Variants in PTPRD observed in about 807,000 individuals in gnomAD.
PTPRD encodes protein tyrosine phosphatase receptor type D.
In PTPRD, 34 loss-of-function variants were observed where a neutral mutation model predicts 214.5. The observed-to-expected ratio is 0.16, with a 90% CI of 0.12 to 0.21. PTPRD has a LOEUF of 0.21. PTPRD is among the 10% of genes least tolerant of loss of function. The pLI, the probability that PTPRD is intolerant of heterozygous loss-of-function variation, is 1.00. For synonymous variants in PTPRD, 1,128 were observed against 845.7 expected, an observed-to-expected ratio of 1.33 and a Z score of -5.79; for missense variants, 2,545 against 2,398.7, an observed-to-expected ratio of 1.06 and a Z score of -1.27.
chr9:9,437,484 G>A lies in PTPRD; in HGVS notation c.-236-40002C>T, dbSNP rs10977746. Among the ~76,000 whole-genome samples, 32 of 152,010 alleles carry A rather than the reference G, an allele frequency of 2.1e-4. No individual in the cohort carries two copies. The South Asian group carries it at 6.2e-3, about 30-fold the overall frequency. Reference sequence around the variant, plus strand: ...ATGTCAAAGGGTCTGAGACTGTTGCGATTTTTAATATATTTTAAAATTTCA... The same window carrying A: ...ATGTCAAAGGGTCTGAGACTGTTGCAATTTTTAATATATTTTAAAATTTCA... On this transcript the variant is annotated intron_variant, in intron 8 of 45. Coordinates refer to ENST00000381196, the MANE Select transcript of PTPRD (RefSeq NM_002839.4).
At chr9:8,491,853 T>C (rs1189931552) in intron 27 of PTPRD, among the ~76,000 whole-genome samples, 5 of 152,144 alleles carry the variant, frequency 3.3e-5, no homozygotes, top group Admixed American at 2.0e-4. Context: ...TTTATGCCTT[T>C]ACATAGAGGT....
chr9:8,611,168 T>TACC lies in PTPRD; in HGVS notation c.352+22148_352+22149insGGT, dbSNP rs1218554899. On this transcript the variant is annotated intron_variant, in intron 14 of 45. Transcript: ENST00000381196. ...CAACTGAGAATGTTTTTCTTAATGG[T>TACC]ATCCCCTGTAAAGTAAGAAAATAAC... Among the ~76,000 whole-genome samples, 6 of 152,340 alleles carry TACC rather than the reference T, an allele frequency of 3.9e-5. No individual in the cohort carries two copies. The East Asian group carries it at 1.2e-3, about 29-fold the overall frequency.
chr9:10,139,332 A>T (rs560342606), intron 3 of PTPRD, among the ~76,000 whole-genome samples: 2 of 152,158 alleles, frequency 1.3e-5, no homozygotes, highest in Non-Finnish European at 1.5e-5. Context: ...GAGATAAAAA[A>T]AACTCTACAA....
At chr9:8,501,191 GA>G in intron 23 of PTPRD, 132 bp from the exon 24 acceptor site, 1 of 689,436 alleles carries the variant, frequency 1.5e-6, no homozygotes, top group Non-Finnish European at 2.4e-6. Context: ...ATAAGGCTTT[GA>G]AACTTAAATT....
chr9:9,530,698 A>G (rs1027993611), intron 8 of PTPRD, among the ~76,000 whole-genome samples: 1 of 152,204 alleles, frequency 6.6e-6, no homozygotes, highest in Admixed American at 6.5e-5. Flanking sequence ...AAATACTATT[A>G]TGATGTAAAA....
At chr9:8,605,652 T>C (rs1486137855) in intron 14 of PTPRD, among the ~76,000 whole-genome samples, 2 of 152,186 alleles carry the variant, frequency 1.3e-5, no homozygotes, top group Non-Finnish European at 2.9e-5. Flanking sequence ...ACTGTGAGGA[T>C]GAAAGGAGAA....
chr9:8,862,928 G>T (rs767501969), intron 11 of PTPRD, among the ~76,000 whole-genome samples: 2 of 151,970 alleles, frequency 1.3e-5, no homozygotes, highest in Non-Finnish European at 2.9e-5. Context: ...GTGGGGTGGT[G>T]GGGGGGAGGG....
chr9:9,082,808 CA>C (rs778009711), intron 10 of PTPRD, among the ~76,000 whole-genome samples: 3 of 151,868 alleles, frequency 2.0e-5, no homozygotes, highest in Non-Finnish European at 4.4e-5. Context: ...ATAATTGCTA[CA>C]AAAAGAATAA....
intron 5 of PTPRD, among the ~76,000 whole-genome samples, chr9:9,884,564 T>C (rs1367027128): frequency 1.3e-5 from 2 of 152,106 alleles, no homozygotes; most frequent in African/African-American, 4.8e-5. Context: ...GGAAAGGCCT[T>C]GAAGACACTA....
At chr9:9,803,229 T>C (rs1256012477) in intron 5 of PTPRD, among the ~76,000 whole-genome samples, 2 of 150,648 alleles carry the variant, frequency 1.3e-5, no homozygotes, top group South Asian at 2.1e-4. Flanking sequence ...TCACCTTCAC[T>C]GAACTGGACG....
chr9:9,548,067 G>C (rs1485714723), intron 8 of PTPRD, among the ~76,000 whole-genome samples: 1 of 151,816 alleles, frequency 6.6e-6, no homozygotes, highest in Non-Finnish European at 1.5e-5. Flanking sequence ...AAATGAAGTT[G>C]AAATAAAGAT....
chr9:10,592,912 G>A (rs1040372981), intron 2 of PTPRD, among the ~76,000 whole-genome samples: 1 of 151,860 alleles, frequency 6.6e-6, no homozygotes, highest in African/African-American at 2.4e-5. Flanking sequence ...GCAGCAACCT[G>A]CTCTTGTCCC....
chr9:9,897,503 AT>A (rs544603413), intron 5 of PTPRD, among the ~76,000 whole-genome samples: 6 of 152,068 alleles, frequency 3.9e-5, no homozygotes, highest in Admixed American at 2.0e-4. Flanking sequence ...TTTTTCATCT[AT>A]TTTTTTCTTC....
chr9:9,025,343 T>C (rs1200065045), intron 10 of PTPRD, among the ~76,000 whole-genome samples: 1 of 152,006 alleles, frequency 6.6e-6, no homozygotes, highest in Non-Finnish European at 1.5e-5. Flanking sequence ...TGACCAATGC[T>C]TTGTCTTAAT....
chr9:9,689,866 C>T (rs1029827219), intron 7 of PTPRD, among the ~76,000 whole-genome samples: 3 of 151,768 alleles, frequency 2.0e-5, no homozygotes, highest in Non-Finnish European at 2.9e-5. Flanking sequence ...TACACATTTT[C>T]GTTATCCATT....
intron 7 of PTPRD, among the ~76,000 whole-genome samples, chr9:9,648,236 A>G (rs926631130): frequency 2.6e-5 from 4 of 152,102 alleles, no homozygotes; most frequent in African/African-American, 7.2e-5. Context: ...AAAAAACACT[A>G]AAGTGTATAT....
intron 7 of PTPRD, among the ~76,000 whole-genome samples, chr9:9,695,661 A>G (rs899732884): frequency 1.3e-5 from 2 of 152,118 alleles, no homozygotes; most frequent in African/African-American, 4.8e-5. Flanking sequence ...AAATGATCAA[A>G]TGTGTTTGTT....
intron 7 of PTPRD, among the ~76,000 whole-genome samples, chr9:9,639,237 AAGT>A (rs1448537056): frequency 1.3e-5 from 2 of 152,138 alleles, no homozygotes; most frequent in African/African-American, 4.8e-5. Context: ...AGCTCCATGA[AAGT>A]AGACTCTAGG....
At chr9:8,747,031 G>A (rs1428929387) in intron 11 of PTPRD, among the ~76,000 whole-genome samples, 1 of 152,122 alleles carries the variant, frequency 6.6e-6, no homozygotes, top group Non-Finnish European at 1.5e-5. Context: ...TTGTTATCTG[G>A]TGCAGGATCA....
Sources: gnomAD v4.1 joint callset for allele counts (sites outside exome capture counted in the v4.1 genomes callset) on GRCh38, gnomAD v4.1.1 for gene constraint, MANE v1.5 for transcripts, NCBI Gene and HGNC (gene_info 2026-07-23, HGNC 2026-07-21) for gene names.